TANGO6: variants seen among roughly 807,000 people sequenced by gnomAD.
TANGO6 encodes the protein transport and golgi organization 6 homolog, also known as transport and Golgi organization protein 6 homolog.
Under a neutral mutation model 114.2 loss-of-function variants are expected in TANGO6, and 90 were observed. The ratio of observed to expected loss-of-function variants is 0.79; its 90% CI spans 0.66 to 0.94. The LOEUF is 0.94. TANGO6 is among the 40% of genes least tolerant of loss of function. TANGO6 has a pLI of 0.00. For synonymous variants in TANGO6, 477 were observed against 509.8 expected (o/e 0.94, Z 0.87); for missense variants, 1,274 against 1,315.3 (o/e 0.97, Z 0.49).
intron 14 of TANGO6, chr16:68,973,811 A>T: frequency 5.3e-6 from 3 of 570,548 alleles, no homozygotes; most frequent in Middle Eastern, 4.8e-4. Flanking sequence ...TAGAGATCGT[A>T]TCAGGCTGGG....
intron 17 of TANGO6, among the ~76,000 whole-genome samples, chr16:69,045,156 CAAAA>C (rs34165608): frequency 2.3e-5 from 2 of 88,380 alleles, no homozygotes; most frequent in Non-Finnish European, 2.1e-5. Context: ...ACTCTTGTCT[CAAAA>C]AAAAAAAAAA....
chr16:68,921,798 G>A (rs1963098232), intron 12 of TANGO6, among the ~76,000 whole-genome samples: 1 of 151,898 alleles, frequency 6.6e-6, no homozygotes, highest in South Asian at 2.1e-4. Flanking sequence ...ATACCTTGCA[G>A]GCCCCTGCCT....
chr16:68,902,258 T>C, intron 8 of TANGO6, 70 bp from the exon 9 acceptor site: 2 of 1,473,544 alleles, frequency 1.4e-6, no homozygotes, highest in East Asian at 4.7e-5. Context: ...CTTTCTTTCT[T>C]TTTTTATGTT....
chr16:68,930,944 C>T (rs1301191157), intron 14 of TANGO6, among the ~76,000 whole-genome samples: 5 of 152,156 alleles, frequency 3.3e-5, no homozygotes, highest in Non-Finnish European at 7.4e-5. Context: ...GCCTCAACTA[C>T]TGTCTATATG....
intron 14 of TANGO6, among the ~76,000 whole-genome samples, chr16:68,939,315 G>A (rs567300311): frequency 1.5e-3 from 225 of 152,058 alleles, no homozygotes; most frequent in Middle Eastern, 6.8e-3. Context: ...ACTTGAACCC[G>A]GGAGGCGGAG....
chr16:68,878,337 C>G, intron 6 of TANGO6, 57 bp downstream of exon 6: 1 of 1,517,844 alleles, frequency 6.6e-7, no homozygotes, highest in East Asian at 2.3e-5. Flanking sequence ...TTCAGTATTT[C>G]ACGTTGAAAT....
In TANGO6 at chr16:68,859,879, A is replaced by T. The variant is rs1457098116; in HGVS notation, c.95-5A>T. On this transcript the variant is annotated splice_polypyrimidine_tract_variant and splice_region_variant and intron_variant, in intron 1 of 17. Coordinates refer to ENST00000261778, the MANE Select transcript of TANGO6 (RefSeq NM_024562.2). Reference sequence around the variant, plus strand: ...ATAAACTCTCCTTTTTTTCTTCTTCAAAAGGCTCGGGCTCAAGTTCACTAC... The same window carrying T: ...ATAAACTCTCCTTTTTTTCTTCTTCTAAAGGCTCGGGCTCAAGTTCACTAC... 6.5e-7 allele frequency: 1 copy of T among 1,544,556 alleles called. No individual in the cohort carries two copies. Among genetic ancestry groups the T allele is most frequent in the Admixed American group, 2.1e-5 (1 of 47,434 alleles).
At chr16:68,844,863 C>A (rs1427606202) in intron 1 of TANGO6, among the ~76,000 whole-genome samples, 1 of 151,862 alleles carries the variant, frequency 6.6e-6, no homozygotes, top group Non-Finnish European at 1.5e-5. Context: ...GTTATTTCCA[C>A]TAAAAGTATG....
In TANGO6 at chr16:68,957,154, T is replaced by TATGC. The variant is rs562943316; in HGVS notation, c.2702-16858_2702-16855dup. On this transcript the variant is annotated intron_variant, in intron 14 of 17. Coordinates refer to ENST00000261778, the MANE Select transcript of TANGO6 (RefSeq NM_024562.2). Reference sequence around the variant, plus strand: ...ATATTTTATTGCGGTTTTATGTGTGTATGCATGCATGCATGCATGTATAGC... The same window carrying TATGC: ...ATATTTTATTGCGGTTTTATGTGTGTATGCATGCATGCATGCATGCATGTATAGC... Among the ~76,000 whole-genome samples, 24 of 152,090 alleles carry TATGC rather than the reference T, an allele frequency of 1.6e-4. No homozygotes were observed. The South Asian group carries it at 3.1e-3, about 20-fold the overall frequency.
Position 68,907,431 on chromosome 16 carries a change from C to T in TANGO6, c.1668-12C>T. On this transcript the variant is annotated splice_polypyrimidine_tract_variant and intron_variant, in intron 9 of 17. Transcript: ENST00000261778. ...GTGACACTACCAAGATAAATTTTACCCTGCATTGCAGTGATGAAGATGAAG... is the reference window on the plus strand; with the variant it reads ...GTGACACTACCAAGATAAATTTTACTCTGCATTGCAGTGATGAAGATGAAG... 1.3e-6 allele frequency: 2 copies of T among 1,559,618 alleles called. No individual in the cohort carries two copies. Among genetic ancestry groups the T allele is most frequent in the Non-Finnish European group, 1.7e-6 (2 of 1,157,632 alleles).
At chr16:69,007,313 A>T (rs1401621674) in intron 15 of TANGO6, among the ~76,000 whole-genome samples, 1 of 128,582 alleles carries the variant, frequency 7.8e-6, no homozygotes, top group African/African-American at 3.0e-5. Flanking sequence ...TCTGTCACCC[A>T]GGCTGGAGTG....
chr16:68,921,953 G>A (rs1345359031), intron 12 of TANGO6, among the ~76,000 whole-genome samples: 1 of 151,888 alleles, frequency 6.6e-6, no homozygotes, highest in Non-Finnish European at 1.5e-5. Flanking sequence ...TTTGTAAATG[G>A]CTTCTATAGT....
intron 14 of TANGO6, among the ~76,000 whole-genome samples, chr16:68,949,117 G>A (rs898912265): frequency 6.6e-6 from 1 of 151,786 alleles, no homozygotes; most frequent in Non-Finnish European, 1.5e-5. Context: ...ACCTGGGAGG[G>A]GCAGGTTGCG....
intron 14 of TANGO6, among the ~76,000 whole-genome samples, chr16:68,940,025 A>G (rs1278341271): frequency 6.7e-6 from 1 of 150,078 alleles, no homozygotes; most frequent in Non-Finnish European, 1.5e-5. Context: ...AATATAATTA[A>G]TTTCCTTCCC....
chr16:68,965,528 G>A (rs530274827), intron 14 of TANGO6, among the ~76,000 whole-genome samples: 15 of 152,266 alleles, frequency 9.9e-5, no homozygotes, highest in South Asian at 4.2e-4. Context: ...CCTGCCAGGC[G>A]TGGTAGCTCA....
intron 17 of TANGO6, among the ~76,000 whole-genome samples, chr16:69,057,199 C>T (rs369648249): frequency 6.6e-6 from 1 of 151,698 alleles, no homozygotes; most frequent in Middle Eastern, 3.4e-3. Context: ...GTAAATTGCT[C>T]TTTGTAAAAT....
chr16:69,041,648 G>C (rs1443079402), intron 17 of TANGO6, among the ~76,000 whole-genome samples: 1 of 152,108 alleles, frequency 6.6e-6, no homozygotes, highest in African/African-American at 2.4e-5. Flanking sequence ...GAGGCCATTG[G>C]ATTTCCCAGT....
intron 15 of TANGO6, among the ~76,000 whole-genome samples, chr16:68,988,143 C>T (rs944420409): frequency 6.6e-6 from 1 of 152,172 alleles, no homozygotes; most frequent in African/African-American, 2.4e-5. Context: ...CTTGCTGCCT[C>T]CACTTTCTCC....
chr16:68,901,110 A>G lies in TANGO6; in HGVS notation c.1490+564A>G, dbSNP rs1285967163. Among the ~76,000 whole-genome samples, 9 of 152,294 alleles carry G rather than the reference A, an allele frequency of 5.9e-5. 1 individual carries two copies. The highest frequency in any genetic ancestry group is 5.2e-4 in the Admixed American group (8 of 15,292). ...TTTATGTTGTTTCTTCCTCCAGGTA[A>G]GAGTTATCTTATCTCAAGTCCTATA... On this transcript the variant is annotated intron_variant, in intron 8 of 17. Coordinates refer to ENST00000261778, the MANE Select transcript of TANGO6 (RefSeq NM_024562.2).
Sources: gnomAD v4.1 joint callset for allele counts (sites outside exome capture counted in the v4.1 genomes callset) on GRCh38, gnomAD v4.1.1 for gene constraint, MANE v1.5 for transcripts, NCBI Gene and HGNC (gene_info 2026-07-23, HGNC 2026-07-21) for gene names.